The following SYT17 variants were observed in gnomAD, a reference collection of about 807,000 sequenced individuals.
The protein encoded by SYT17 is synaptotagmin 17, also known as synaptotagmin-17.
In SYT17, 22 loss-of-function variants were observed where a neutral mutation model predicts 46.7. The observed-to-expected ratio is 0.47, with a 90% CI of 0.34 to 0.67. SYT17 has a LOEUF of 0.67. Ranked by LOEUF, SYT17 falls within the 30% of genes least tolerant of loss-of-function variation. The pLI, the probability that SYT17 is intolerant of heterozygous loss-of-function variation, is 0.01. For missense variants in SYT17, 519 were observed against 612.8 expected (o/e 0.85, Z 1.62); for synonymous variants, 251 against 248.4 (o/e 1.01, Z -0.10).
At chr16:19,261,140 C>T (rs773730538) in intron 7 of SYT17, among the ~76,000 whole-genome samples, 44 of 152,102 alleles carry the variant, frequency 2.9e-4, no homozygotes, top group Non-Finnish European at 4.3e-4. Flanking sequence ...TGCACCTGGC[C>T]CCTGACATGT....
At chr16:19,249,422 T>C (rs1474551944) in intron 7 of SYT17, among the ~76,000 whole-genome samples, 1 of 152,098 alleles carries the variant, frequency 6.6e-6, no homozygotes, top group Non-Finnish European at 1.5e-5. Context: ...GGAACTTTCT[T>C]TGGGGAAAGA....
rs760150714 is a variant in SYT17 at position 19,266,899 on chromosome 16, G to A, written c.1248G>A (p.Lys416=). The change falls in exon 8 of 8, where the codon AAG becomes AAA. Residue 416 remains lysine, a synonymous_variant. Transcript: ENST00000355377. ...LVFTVFGHNM[K]SSNDFIGRIV... ...CCCTAGTTTTCGGCCACAACATGAAGAGCAGCAATGACTTCATCGGGAGGA... is the reference window on the plus strand; with the variant it reads ...CCCTAGTTTTCGGCCACAACATGAAAAGCAGCAATGACTTCATCGGGAGGA... 6.2e-7 allele frequency: 1 copy of A among 1,613,302 alleles called. No individual in the cohort carries two copies. Among genetic ancestry groups the A allele is most frequent in the Non-Finnish European group, 8.5e-7 (1 of 1,179,868 alleles).
intron 5 of SYT17, among the ~76,000 whole-genome samples, chr16:19,220,154 G>C (rs1174185394): frequency 6.6e-6 from 1 of 152,046 alleles, no homozygotes; most frequent in Admixed American, 6.6e-5. Context: ...TGGATACCCA[G>C]GGCAGGGCAG....
At chr16:19,244,908 T>G (rs1967421766) in intron 7 of SYT17, among the ~76,000 whole-genome samples, 1 of 152,174 alleles carries the variant, frequency 6.6e-6, no homozygotes, top group South Asian at 2.1e-4. Flanking sequence ...AAGGAGAGGC[T>G]GGGAAATGTA....
At chr16:19,251,370 G>A (rs922094716) in intron 7 of SYT17, among the ~76,000 whole-genome samples, 2 of 152,192 alleles carry the variant, frequency 1.3e-5, no homozygotes, top group East Asian at 3.8e-4. Context: ...CACAGTATAG[G>A]TTAAGGAATA....
chr16:19,266,820 C>G (rs1391024400), intron 7 of SYT17, 60 bp from the exon 8 acceptor site: 4 of 1,508,502 alleles, frequency 2.7e-6, no homozygotes, highest in Admixed American at 1.8e-5. Flanking sequence ...CCCTGCCTTC[C>G]TGTTCTGTTC....
chr16:19,252,446 TAC>T (rs1389386825), intron 7 of SYT17, among the ~76,000 whole-genome samples: 1 of 29,564 alleles, frequency 3.4e-5, no homozygotes, highest in Non-Finnish European at 4.9e-5. Context: ...TACATATATA[TAC>T]ACATATATAC....
intron 7 of SYT17, among the ~76,000 whole-genome samples, chr16:19,229,017 C>T (rs754115278): frequency 2.0e-5 from 3 of 152,142 alleles, no homozygotes; most frequent in Non-Finnish European, 4.4e-5. Context: ...GTTTCTGCAG[C>T]TGAAGTTTAA....
At chr16:19,259,767 T>C (rs1308065356) in intron 7 of SYT17, among the ~76,000 whole-genome samples, 1 of 152,138 alleles carries the variant, frequency 6.6e-6, no homozygotes, top group Non-Finnish European at 1.5e-5. Flanking sequence ...TTAGAGTGTG[T>C]ACATTTTGTA....
intron 5 of SYT17, among the ~76,000 whole-genome samples, chr16:19,191,951 A>AT (rs1407945252): frequency 6.6e-6 from 1 of 151,984 alleles, no homozygotes; most frequent in Non-Finnish European, 1.5e-5. Context: ...CACCCAGTTA[A>AT]TTTTTTGTAT....
intron 5 of SYT17, among the ~76,000 whole-genome samples, chr16:19,189,215 T>C (rs1222927316): frequency 6.6e-6 from 1 of 152,160 alleles, no homozygotes; most frequent in Non-Finnish European, 1.5e-5. Context: ...ACCAGTCATA[T>C]TGAATTAGGA....
intron 7 of SYT17, among the ~76,000 whole-genome samples, chr16:19,264,080 A>G (rs184472009): frequency 2.5e-3 from 376 of 152,296 alleles, no homozygotes; most frequent in Non-Finnish European, 4.1e-3. Context: ...CCCTTCCACC[A>G]TGTGGGGACT....
intron 3 of SYT17, among the ~76,000 whole-genome samples, chr16:19,178,364 C>T (rs1487832541): frequency 3.9e-5 from 6 of 151,920 alleles, no homozygotes; most frequent in African/African-American, 1.5e-4. Flanking sequence ...GGATTACAGA[C>T]GTGAGCCACC....
chr16:19,255,707 C>A (rs887252667), intron 7 of SYT17, among the ~76,000 whole-genome samples: 17 of 152,142 alleles, frequency 1.1e-4, no homozygotes, highest in African/African-American at 4.1e-4. Context: ...ATCACTTGAG[C>A]CCAGGAGGTT....
At chr16:19,224,555 G>T in intron 6 of SYT17, 128 bp from the exon 7 acceptor site, 1 of 1,005,954 alleles carries the variant, frequency 9.9e-7, no homozygotes, top group South Asian at 1.6e-5. Context: ...ATGAAAAGTT[G>T]AATGGGTGGA....
chr16:19,172,620 T>A (rs568592055), intron 1 of SYT17, 140 bp from the exon 2 acceptor site: 1 of 1,533,438 alleles, frequency 6.5e-7, no homozygotes, highest in African/African-American at 1.4e-5. Context: ...GGATGGTAAG[T>A]GGAAATATGC....
At chr16:19,249,298 A>ATAAATAAATAAG (rs1967849527) in intron 7 of SYT17, among the ~76,000 whole-genome samples, 2 of 144,168 alleles carry the variant, frequency 1.4e-5, no homozygotes, top group Non-Finnish European at 2.9e-5. Flanking sequence ...AAATAAATAA[A>ATAAATAAATAAG]TAAATAAATA....
Position 19,268,203 on chromosome 16 carries a change from CTCTCTCTCTCTT to C in SYT17, c.*1139_*1150del, listed in dbSNP as rs66687080. On this transcript the variant is annotated 3_prime_UTR_variant, in exon 8 of 8. Transcript: ENST00000355377. ...ATTAGTGTAGTTAGAATAGATCTCT[CTCTCTCTCTCTT>C]TCTCTCTCTCTCTTTCCTCTCTCTC... The C allele has an allele frequency of 7.5e-5, 3 of 39,744 alleles. No individual in the cohort carries two copies. Among genetic ancestry groups the C allele is most frequent in the Non-Finnish European group, 5.5e-5 (1 of 18,108 alleles). 2.5% of individuals were successfully genotyped at this position (39,744 alleles called of 1,614,324 possible).
chr16:19,236,271 A>G (rs1167447527), intron 7 of SYT17, among the ~76,000 whole-genome samples: 1 of 152,248 alleles, frequency 6.6e-6, no homozygotes, highest in Non-Finnish European at 1.5e-5. Flanking sequence ...CAATGGGGAC[A>G]GTAATACTTC....
Sources: gnomAD v4.1 joint callset for allele counts (sites outside exome capture counted in the v4.1 genomes callset) on GRCh38, gnomAD v4.1.1 for gene constraint, MANE v1.5 for transcripts, NCBI Gene and HGNC (gene_info 2026-07-23, HGNC 2026-07-21) for gene names.